The following TMEM233 variants were observed in gnomAD, a reference collection of about 807,000 sequenced individuals.
TMEM233 encodes the protein dispanin subfamily B member 2.
TMEM233 carries 6 observed loss-of-function variants against 11.2 expected under a neutral mutation model. That is an observed-to-expected ratio of 0.54 (90% CI 0.29 to 1.06). The LOEUF (loss-of-function observed/expected upper bound fraction) is 1.06, where lower values mean the gene tolerates loss of function less well. TMEM233 is among the 50% of genes least tolerant of loss of function. The probability of loss-of-function intolerance (pLI) is 0.08; values close to 1 mark genes in which losing one functional copy is unlikely to be tolerated. For synonymous variants in TMEM233, 59 were observed against 55.8 expected (o/e 1.06, Z -0.26); for missense variants, 127 against 144.7 (o/e 0.88, Z 0.63).
Position 119,642,633 on chromosome 12 carries a change from A to C in TMEM233, c.*1928A>C, listed in dbSNP as rs1955100211. 1 of 152,096 alleles carries C rather than the reference A, an allele frequency of 6.6e-6. No individual in the cohort carries two copies. The highest frequency in any genetic ancestry group is 2.1e-4 in the South Asian group (1 of 4,822). The allele number at this position is 152,096 out of a possible 1,614,324, so 9.4% of individuals were successfully genotyped here. A position where few individuals can be genotyped will look rare whatever the true frequency, so the allele number is the denominator to read the frequency against. On this transcript the variant is annotated 3_prime_UTR_variant, in exon 3 of 3. Coordinates refer to ENST00000426426, the MANE Select transcript of TMEM233 (RefSeq NM_001136534.3). ...AAGTTTCATAGCCTCTCTGTGCCTA[A>C]AATTCCTTCACCTGCAAAATGGGGA...
At position 119,640,856 on chromosome 12, in the gene TMEM233, GAAA is replaced by G; in HGVS notation, c.*166_*168del. The G allele has an allele frequency of 1.2e-4, 46 of 392,568 alleles. No individual in the cohort carries two copies. The highest frequency in any genetic ancestry group is 2.8e-4 in the East Asian group (6 of 21,330). 24.3% of individuals were successfully genotyped at this position (392,568 alleles called of 1,614,324 possible). ...AGGCAGGTCCCTGGCAAATGAACAA[GAAA>G]AAAAAAAAAAAAAAGTCCAAAATTT... On this transcript the variant is annotated 3_prime_UTR_variant, in exon 3 of 3. Transcript: ENST00000426426.
rs60318959 is a variant in TMEM233 at position 119,615,173 on chromosome 12, T to TAAAAAAAAAAAAAAAAAAA, written c.187-14548_187-14530dup. 1.6e-3 allele frequency among the ~76,000 whole-genome samples: 88 copies of TAAAAAAAAAAAAAAAAAAA among 56,198 alleles called. 4 individuals are homozygous for TAAAAAAAAAAAAAAAAAAA. The highest frequency in any genetic ancestry group is 1.9e-3 in the Non-Finnish European group (61 of 32,628). 36.9% of individuals were successfully genotyped at this position (56,198 alleles called of 152,430 possible). A position where few individuals can be genotyped will look rare whatever the true frequency, so the allele number is the denominator to read the frequency against. On this transcript the variant is annotated intron_variant, in intron 1 of 2. Coordinates refer to ENST00000426426, the MANE Select transcript of TMEM233 (RefSeq NM_001136534.3). ...AGGTCTCAGTCTACCCGCTTTCTGC[T>TAAAAAAAAAAAAAAAAAAA]AAAAAAAAAAAAAAAAAAAAAAAAA...
intron 1 of TMEM233, among the ~76,000 whole-genome samples, chr12:119,596,689 G>C (rs1954056039): frequency 1.3e-5 from 2 of 151,688 alleles, no homozygotes; most frequent in African/African-American, 4.8e-5. Flanking sequence ...GACAGGGTTT[G>C]ACCATGTTGC....
chr12:119,605,790 T>C (rs17485664), intron 1 of TMEM233, among the ~76,000 whole-genome samples: 6,488 of 152,072 alleles, frequency 0.043, 178 homozygotes, highest in Middle Eastern at 0.082. Flanking sequence ...TTTTAACAGA[T>C]TTACCCCCAT....
chr12:119,645,173 G>A (rs370039436), downstream of TMEM233, among the ~76,000 whole-genome samples: 16 of 152,038 alleles, frequency 1.1e-4, no homozygotes, highest in African/African-American at 3.4e-4. Context: ...ATATAAAATC[G>A]CTGGCCTCAG....
chr12:119,636,004 G>A (rs1340609702), intron 2 of TMEM233, among the ~76,000 whole-genome samples: 1 of 152,106 alleles, frequency 6.6e-6, no homozygotes, highest in Non-Finnish European at 1.5e-5. Flanking sequence ...GGGTTTGCAT[G>A]GGGGCTTCAT....
intron 1 of TMEM233, among the ~76,000 whole-genome samples, chr12:119,607,571 A>T (rs1325767306): frequency 1.3e-5 from 2 of 151,792 alleles, no homozygotes; most frequent in Non-Finnish European, 2.9e-5. Context: ...AAAGGAATTC[A>T]ACAAGGAGAA....
chr12:119,627,413 G>A (rs1184100320), intron 1 of TMEM233, among the ~76,000 whole-genome samples: 2 of 152,198 alleles, frequency 1.3e-5, no homozygotes, highest in Admixed American at 1.3e-4. Context: ...AGGTTTGTTT[G>A]GTGCATGGTT....
chr12:119,598,404 T>C (rs7301592), intron 1 of TMEM233, among the ~76,000 whole-genome samples: 50,774 of 152,190 alleles, frequency 0.33, 8,965 homozygotes, highest in Middle Eastern at 0.41. Context: ...ACTCTAATTA[T>C]GGATACACAA....
At chr12:119,596,629 A>T (rs941299550) in intron 1 of TMEM233, among the ~76,000 whole-genome samples, 2 of 150,898 alleles carry the variant, frequency 1.3e-5, no homozygotes, top group Non-Finnish European at 1.5e-5. Flanking sequence ...ACCAGCTGGG[A>T]CTACAGACGC....
intron 2 of TMEM233, among the ~76,000 whole-genome samples, chr12:119,639,635 A>G (rs553173197): frequency 6.6e-6 from 1 of 152,232 alleles, no homozygotes; most frequent in Admixed American, 6.5e-5. Context: ...AAAAAAAGAA[A>G]AAAAGAAAAA....
At chr12:119,614,143 G>A (rs984492618) in intron 1 of TMEM233, among the ~76,000 whole-genome samples, 7 of 152,088 alleles carry the variant, frequency 4.6e-5, no homozygotes, top group Non-Finnish European at 7.4e-5. Context: ...CTACCCACCA[G>A]TAATCCCAGC....
chr12:119,627,587 T>G lies in TMEM233; in HGVS notation c.187-2149T>G, dbSNP rs544643168. 2.6e-5 allele frequency among the ~76,000 whole-genome samples: 4 copies of G among 152,200 alleles called. No individual in the cohort carries two copies. In the South Asian group the frequency reaches 8.3e-4, roughly 32 times the overall value. On this transcript the variant is annotated intron_variant, in intron 1 of 2. Transcript: ENST00000426426. ...CTCTTTTAAACAACCAGCTCACACA[T>G]GAACTAACAGAGTGAGAACTCATTA...
chr12:119,640,626 TC>T, intron 2 of TMEM233, 72 bp from the exon 3 acceptor site: 1 of 1,507,084 alleles, frequency 6.6e-7, no homozygotes, highest in Non-Finnish European at 9.0e-7. Context: ...AAGGAAGGCA[TC>T]GAGCTGGGAA....
chr12:119,612,904 G>A (rs950937587), intron 1 of TMEM233, among the ~76,000 whole-genome samples: 4 of 152,028 alleles, frequency 2.6e-5, no homozygotes, highest in African/African-American at 7.2e-5. Flanking sequence ...GATGTAATGA[G>A]ACCCTGTCAA....
intron 1 of TMEM233, among the ~76,000 whole-genome samples, chr12:119,596,823 C>G (rs1302016956): frequency 6.6e-6 from 1 of 152,090 alleles, no homozygotes; most frequent in African/African-American, 2.4e-5. Flanking sequence ...GCCTTGGTTT[C>G]TTCATCTATA....
chr12:119,612,554 C>G (rs1244015004), intron 1 of TMEM233, among the ~76,000 whole-genome samples: 2 of 151,986 alleles, frequency 1.3e-5, no homozygotes, highest in East Asian at 1.9e-4. Flanking sequence ...CAAGACCATC[C>G]TGGCTAACAC....
intron 1 of TMEM233, among the ~76,000 whole-genome samples, chr12:119,623,557 A>C (rs1954689146): frequency 6.6e-6 from 1 of 151,352 alleles, no homozygotes; most frequent in South Asian, 2.1e-4. Context: ...AAAATACAAA[A>C]AAAAAAAAAA....
Position 119,629,776 on chromosome 12 carries a change from G to A in TMEM233, c.227G>A (p.Arg76Lys), listed in dbSNP as rs1433442439. Reference protein sequence around the residue: ...SYNDGDYEGARRLGRNAKWVA... With the variant: ...SYNDGDYEGAKRLGRNAKWVA... ...AACGATGGAGACTACGAAGGAGCCAGGCGGCTTGGGCGGAATGCTAAGTGG... is the reference window on the plus strand; with the variant it reads ...AACGATGGAGACTACGAAGGAGCCAAGCGGCTTGGGCGGAATGCTAAGTGG... The change falls in exon 2 of 3, where the codon AGG (arginine) becomes AAG (lysine). Residue 76 changes from arginine to lysine, a missense_variant. Arg to Lys is a conservative substitution (Grantham distance 26, BLOSUM62 2). Transcript: ENST00000426426. The A allele has an allele frequency of 3.9e-6, 6 of 1,551,670 alleles. No homozygotes were observed. Among genetic ancestry groups the A allele is most frequent in the Non-Finnish European group, 5.2e-6 (6 of 1,146,952 alleles).
Sources: gnomAD v4.1 joint callset for allele counts (sites outside exome capture counted in the v4.1 genomes callset) on GRCh38, gnomAD v4.1.1 for gene constraint, MANE v1.5 for transcripts, NCBI Gene and HGNC (gene_info 2026-07-23, HGNC 2026-07-21) for gene names.